The following ZNF521 variants were observed in gnomAD, a reference collection of about 807,000 sequenced individuals.
The protein encoded by ZNF521 is zinc finger protein 521, also known as LYST-interacting protein 3.
In ZNF521, 14 loss-of-function variants were observed where a neutral mutation model predicts 105.5. That is an observed-to-expected ratio of 0.13 (90% CI 0.09 to 0.21). The LOEUF is 0.21. ZNF521 is among the 10% of genes least tolerant of loss of function. ZNF521 has a pLI of 1.00. For missense variants in ZNF521, 1,233 were observed against 1,629.7 expected, an observed-to-expected ratio of 0.76 and a Z score of 4.19; for synonymous variants, 635 against 606.0, an observed-to-expected ratio of 1.05 and a Z score of -0.70.
At chr18:25,319,861 T>C (rs62083943) in intron 3 of ZNF521, among the ~76,000 whole-genome samples, 14,247 of 152,208 alleles carry the variant, frequency 0.094, 766 homozygotes, top group Middle Eastern at 0.19. Context: ...TCAGGCTTCT[T>C]TGGAGCCTGA....
intron 2 of ZNF521, among the ~76,000 whole-genome samples, chr18:25,323,403 G>A (rs1002280118): frequency 6.6e-6 from 1 of 151,894 alleles, no homozygotes; most frequent in East Asian, 1.9e-4. Context: ...CAATAAATAT[G>A]ATAATTTAAA....
intron 2 of ZNF521, among the ~76,000 whole-genome samples, chr18:25,349,172 GTTC>G (rs1241330399): frequency 1.3e-5 from 2 of 152,064 alleles, no homozygotes; most frequent in African/African-American, 2.4e-5. Context: ...AACTCGGAAA[GTTC>G]TTCTTTCCAA....
chr18:25,233,185 T>C (rs1906648309), intron 3 of ZNF521, among the ~76,000 whole-genome samples: 3 of 152,160 alleles, frequency 2.0e-5, no homozygotes, highest in African/African-American at 7.2e-5. Context: ...AATTACAAAA[T>C]ACATTTTTAA....
intron 3 of ZNF521, among the ~76,000 whole-genome samples, chr18:25,291,182 G>T (rs906432157): frequency 6.6e-6 from 1 of 152,132 alleles, no homozygotes; most frequent in African/African-American, 2.4e-5. Context: ...TAATGCACGA[G>T]TGAAATTCTT....
At chr18:25,325,588 C>G (rs892384146) in intron 2 of ZNF521, among the ~76,000 whole-genome samples, 1 of 152,122 alleles carries the variant, frequency 6.6e-6, no homozygotes, top group African/African-American at 2.4e-5. Flanking sequence ...ACTGCAACTA[C>G]AAACTGTGTC....
At chr18:25,350,970 G>A in intron 1 of ZNF521, 23 bp from the exon 2 acceptor site, 1 of 1,539,186 alleles carries the variant, frequency 6.5e-7, no homozygotes, top group Non-Finnish European at 8.8e-7. Context: ...AGCTGAAGTT[G>A]TTTCAATTCA....
At position 25,337,528 on chromosome 18, in the gene ZNF521, G is replaced by T. The variant is rs140940133; in HGVS notation, c.40+13379C>A. On this transcript the variant is annotated intron_variant, in intron 2 of 7. Coordinates refer to ENST00000361524, the MANE Select transcript of ZNF521 (RefSeq NM_015461.3). ...CAAATAGTTTATAAACAATTGAAAT[G>T]ATGCTCAATCTACCTCATAATTACA... Among the ~76,000 whole-genome samples, 991 of 152,276 alleles carry T rather than the reference G, an allele frequency of 6.5e-3. 12 individuals carry two copies. Among genetic ancestry groups the T allele is most frequent in the African/African-American group, 0.022 (903 of 41,554 alleles).
rs183263089 is a variant in ZNF521 at position 25,121,486 on chromosome 18, T to C, written c.3659-29405A>G. Reference sequence around the variant, plus strand: ...CAGGCTGGTCTCAAACTCCTGACCTTGCGATCTGCCCTCCTTGGCCTCTCA... The same window carrying C: ...CAGGCTGGTCTCAAACTCCTGACCTCGCGATCTGCCCTCCTTGGCCTCTCA... On this transcript the variant is annotated intron_variant, in intron 5 of 7. Coordinates refer to ENST00000361524, the MANE Select transcript of ZNF521 (RefSeq NM_015461.3). Among the ~76,000 whole-genome samples the C allele has an allele frequency of 1.4e-3, 216 of 151,928 alleles. 1 individual carries two copies. The highest frequency in any genetic ancestry group is 4.7e-3 in the African/African-American group (195 of 41,422).
chr18:25,211,392 A>G (rs1265746900), intron 4 of ZNF521, among the ~76,000 whole-genome samples: 1 of 152,162 alleles, frequency 6.6e-6, no homozygotes, highest in Non-Finnish European at 1.5e-5. Context: ...GTTAACTGTT[A>G]AACACCTGTA....
At chr18:25,315,402 T>TG (rs938541646) in intron 3 of ZNF521, 2 of 152,352 alleles carry the variant, frequency 1.3e-5, no homozygotes, top group African/African-American at 4.8e-5. Context: ...AGAGAACTCA[T>TG]CTGTGAGTGT....
chr18:25,093,492 C>T (rs2033791580), intron 5 of ZNF521, among the ~76,000 whole-genome samples: 1 of 152,150 alleles, frequency 6.6e-6, no homozygotes, highest in African/African-American at 2.4e-5. Context: ...AGTCCTCTGC[C>T]AGCTGATATT....
intron 3 of ZNF521, among the ~76,000 whole-genome samples, chr18:25,313,059 A>T (rs1912408522): frequency 6.6e-6 from 1 of 152,118 alleles, no homozygotes; most frequent in Non-Finnish European, 1.5e-5. Flanking sequence ...ATCGTGCAGG[A>T]GAGAGGATAC....
intron 3 of ZNF521, among the ~76,000 whole-genome samples, chr18:25,293,386 A>ACACACACAC (rs1568060796): frequency 1.3e-5 from 2 of 151,410 alleles, no homozygotes; most frequent in African/African-American, 4.9e-5. Context: ...ACACACACAC[A>ACACACACAC]AATTCCTTAA....
At chr18:25,264,493 T>C (rs1002136439) in intron 3 of ZNF521, among the ~76,000 whole-genome samples, 9 of 152,330 alleles carry the variant, frequency 5.9e-5, no homozygotes, top group South Asian at 4.1e-4. Flanking sequence ...TAAAATTATA[T>C]GATGATAATT....
intron 5 of ZNF521, among the ~76,000 whole-genome samples, chr18:25,096,107 T>A (rs62082230): frequency 0.19 from 29,512 of 152,204 alleles, 3,658 homozygotes; most frequent in East Asian, 0.3. Context: ...TTTCCATTTG[T>A]TAATCTTCAT....
chr18:25,306,953 T>G (rs1239786839), intron 3 of ZNF521, among the ~76,000 whole-genome samples: 1 of 152,056 alleles, frequency 6.6e-6, no homozygotes, highest in Admixed American at 6.6e-5. Context: ...GAAAAGTATC[T>G]CAGATTTAAC....
chr18:25,167,056 A>G (rs373267635), intron 5 of ZNF521, among the ~76,000 whole-genome samples: 1 of 152,182 alleles, frequency 6.6e-6, no homozygotes, highest in Admixed American at 6.5e-5. Context: ...ACACATTCCT[A>G]AGGCTTAAGA....
chr18:25,146,908 A>G (rs974809391), intron 5 of ZNF521, among the ~76,000 whole-genome samples: 1 of 152,146 alleles, frequency 6.6e-6, no homozygotes, highest in African/African-American at 2.4e-5. Context: ...TGATAGCAGG[A>G]GTCACATCTT....
chr18:25,138,408 TGA>T (rs1451900297), intron 5 of ZNF521, among the ~76,000 whole-genome samples: 1 of 150,656 alleles, frequency 6.6e-6, no homozygotes, highest in African/African-American at 2.4e-5. Flanking sequence ...TTTCCATAGA[TGA>T]GAGAGGTGGC....
Sources: allele counts gnomAD v4.1 joint callset (sites outside exome capture counted in the v4.1 genomes callset), GRCh38; gene constraint gnomAD v4.1.1; transcripts MANE v1.5; gene names NCBI Gene and HGNC (gene_info 2026-07-23, HGNC 2026-07-21).